The following MDGA2 variants were observed in gnomAD, a reference collection of about 807,000 sequenced individuals.
MDGA2 encodes MAM domain containing glycosylphosphatidylinositol anchor 2.
MDGA2 carries 40 observed loss-of-function variants against 117.8 expected under a neutral mutation model. The observed-to-expected ratio is 0.34, with a 90% CI of 0.26 to 0.44. MDGA2 has a LOEUF of 0.44. Ranked by LOEUF, MDGA2 falls within the 20% of genes least tolerant of loss-of-function variation. MDGA2 has a pLI of 1.00. For synonymous variants in MDGA2, 452 were observed against 439.0 expected, an observed-to-expected ratio of 1.03 and a Z score of -0.37; for missense variants, 1,123 against 1,250.6, an observed-to-expected ratio of 0.90 and a Z score of 1.54.
At chr14:47,570,560 T>C (rs1896000417) in intron 1 of MDGA2, among the ~76,000 whole-genome samples, 1 of 152,066 alleles carries the variant, frequency 6.6e-6, no homozygotes, top group African/African-American at 2.4e-5. Context: ...CAACCAAAGG[T>C]ATATATTCTC....
chr14:46,939,481 G>C (rs1191410683), intron 9 of MDGA2, among the ~76,000 whole-genome samples: 1 of 152,088 alleles, frequency 6.6e-6, no homozygotes. Context: ...CCTGCTTCCA[G>C]TGTTCTACCA....
chr14:47,124,040 C>G (rs575238466), intron 5 of MDGA2, among the ~76,000 whole-genome samples: 1 of 151,916 alleles, frequency 6.6e-6, no homozygotes, highest in Non-Finnish European at 1.5e-5. Flanking sequence ...TTGTTGTGTT[C>G]CATTATTGGC....
chr14:47,050,533 A>T (rs1032668169), intron 7 of MDGA2, among the ~76,000 whole-genome samples: 1 of 152,052 alleles, frequency 6.6e-6, no homozygotes, highest in Admixed American at 6.6e-5. Flanking sequence ...CTGAAATAAG[A>T]GTTGAAAAAA....
intron 1 of MDGA2, among the ~76,000 whole-genome samples, chr14:47,516,143 T>G (rs973347482): frequency 1.3e-5 from 2 of 152,184 alleles, no homozygotes; most frequent in East Asian, 1.9e-4. Context: ...CAGGTGATGC[T>G]TATGTCCCCT....
At chr14:46,898,003 T>G (rs922650194) in intron 10 of MDGA2, among the ~76,000 whole-genome samples, 2 of 151,870 alleles carry the variant, frequency 1.3e-5, no homozygotes, top group African/African-American at 4.8e-5. Flanking sequence ...GTGCATTATG[T>G]TTTCTAAGAG....
chr14:47,208,385 T>C (rs990165155), intron 3 of MDGA2, among the ~76,000 whole-genome samples: 3 of 152,006 alleles, frequency 2.0e-5, no homozygotes, highest in Non-Finnish European at 4.4e-5. Context: ...CCTTTCAAAC[T>C]TTTACTTTAC....
chr14:47,458,005 ATAT>A (rs1893396422), intron 1 of MDGA2, among the ~76,000 whole-genome samples: 1 of 91,350 alleles, frequency 1.1e-5, no homozygotes, highest in South Asian at 5.1e-4. Context: ...TGTCTTCCCC[ATAT>A]TTTTTTTTTT....
At chr14:47,427,065 T>C (rs999031990) in intron 1 of MDGA2, among the ~76,000 whole-genome samples, 5 of 152,164 alleles carry the variant, frequency 3.3e-5, no homozygotes, top group Non-Finnish European at 5.9e-5. Flanking sequence ...AGTTACTAGA[T>C]TGTTTCTAAA....
At chr14:47,578,023 G>A (rs959495981) in intron 1 of MDGA2, among the ~76,000 whole-genome samples, 5 of 152,146 alleles carry the variant, frequency 3.3e-5, no homozygotes, top group African/African-American at 1.2e-4. Context: ...CCACCCAAAT[G>A]TCCATCAATG....
chr14:47,367,964 A>G (rs1000847296), intron 1 of MDGA2, among the ~76,000 whole-genome samples: 4 of 152,146 alleles, frequency 2.6e-5, no homozygotes, highest in Non-Finnish European at 2.9e-5. Context: ...AAAGTACCCT[A>G]TGTTAGCCAC....
At chr14:47,642,847 A>G (rs1897454388) in intron 1 of MDGA2, among the ~76,000 whole-genome samples, 1 of 152,068 alleles carries the variant, frequency 6.6e-6, no homozygotes, top group East Asian at 1.9e-4. Flanking sequence ...AACATTTTAA[A>G]CAATCCAATA....
intron 1 of MDGA2, among the ~76,000 whole-genome samples, chr14:47,323,171 TATATATA>T (rs1890036458): frequency 1.9e-5 from 1 of 53,866 alleles, no homozygotes; most frequent in African/African-American, 5.4e-5. Context: ...TATATATATA[TATATATA>T]TATATATATA....
chr14:47,016,461 T>C (rs189854612), intron 8 of MDGA2, among the ~76,000 whole-genome samples: 35 of 152,176 alleles, frequency 2.3e-4, no homozygotes, highest in Admixed American at 2.2e-3. Context: ...TCTTTATGTT[T>C]CACTTTGTAT....
chr14:46,845,960 T>C, intron 15 of MDGA2, 89 bp from the exon 16 acceptor site: 1 of 909,736 alleles, frequency 1.1e-6, no homozygotes, highest in Non-Finnish European at 1.8e-6. Context: ...AAAATAAACT[T>C]GTCAGTAATC....
At chr14:47,133,103 G>T (rs1882282510) in intron 4 of MDGA2, among the ~76,000 whole-genome samples, 2 of 147,658 alleles carry the variant, frequency 1.4e-5, no homozygotes, top group East Asian at 4.0e-4. Flanking sequence ...ATTTTCCTCA[G>T]TGGTAAAAAA....
chr14:47,134,777 C>CACTATATATA (rs1555356640), intron 4 of MDGA2, among the ~76,000 whole-genome samples: 8 of 145,908 alleles, frequency 5.5e-5, no homozygotes, highest in Admixed American at 1.4e-4. Flanking sequence ...CACACACACA[C>CACTATATATA]TATATATATA....
At chr14:46,894,206 A>T (rs1051813684) in intron 10 of MDGA2, among the ~76,000 whole-genome samples, 1 of 152,128 alleles carries the variant, frequency 6.6e-6, no homozygotes, top group Non-Finnish European at 1.5e-5. Context: ...TCAGTTGAAG[A>T]AGTAGATTAA....
chr14:47,147,803 T>C (rs1035557040), intron 3 of MDGA2, among the ~76,000 whole-genome samples: 6 of 152,160 alleles, frequency 3.9e-5, no homozygotes, highest in East Asian at 1.9e-4. Flanking sequence ...AAAGGAACTA[T>C]AGTAGGACTA....
Position 47,089,410 on chromosome 14 carries a change from CT to C in MDGA2, c.1195+7443del, listed in dbSNP as rs368087339. 1.7e-3 allele frequency among the ~76,000 whole-genome samples: 260 copies of C among 152,170 alleles called. 2 individuals carry two copies. The highest frequency in any genetic ancestry group is 5.9e-3 in the African/African-American group (243 of 41,520). On this transcript the variant is annotated intron_variant, in intron 6 of 16. Coordinates refer to ENST00000399232, the MANE Select transcript of MDGA2 (RefSeq NM_001113498.3). ...GTTTGTTTGTAGATGTAGTCTCACT[CT>C]GTCTCCCAGGCTGGAGTGCAGTAGG...
Sources: allele counts gnomAD v4.1 joint callset (sites outside exome capture counted in the v4.1 genomes callset), GRCh38; gene constraint gnomAD v4.1.1; transcripts MANE v1.5; gene names NCBI Gene and HGNC (gene_info 2026-07-23, HGNC 2026-07-21).